The following LDLRAD4 variants were observed in gnomAD, a reference collection of about 807,000 sequenced individuals.
LDLRAD4 encodes low density lipoprotein receptor class A domain containing 4.
Under a neutral mutation model 17.0 loss-of-function variants are expected in LDLRAD4, and 5 were observed. That is an observed-to-expected ratio of 0.29 (90% CI 0.15 to 0.62). LDLRAD4 has a LOEUF of 0.62. Among genes scored for constraint, LDLRAD4 ranks in the 20% least tolerant of loss-of-function variants. LDLRAD4 has a pLI of 0.84. For synonymous variants in LDLRAD4, 168 were observed against 171.8 expected (o/e 0.98, Z 0.17); for missense variants, 340 against 424.7 (o/e 0.80, Z 1.75).
chr18:13,588,846 C>T (rs907495887), intron 3 of LDLRAD4, among the ~76,000 whole-genome samples: 1 of 152,136 alleles, frequency 6.6e-6, no homozygotes, highest in East Asian at 1.9e-4. Context: ...ATGATGCACC[C>T]GTTCAGCTGT....
chr18:13,594,284 C>T (rs144754131), intron 3 of LDLRAD4, among the ~76,000 whole-genome samples: 1 of 152,268 alleles, frequency 6.6e-6, no homozygotes, highest in Non-Finnish European at 1.5e-5. Context: ...TCAGCTGCCA[C>T]TGTCTGCCAC....
chr18:13,534,739 G>GA (rs956189001), intron 3 of LDLRAD4, among the ~76,000 whole-genome samples: 4 of 152,170 alleles, frequency 2.6e-5, no homozygotes, highest in African/African-American at 9.7e-5. Flanking sequence ...AGAGTTCGAT[G>GA]AATTTTGGTA....
chr18:13,479,161 A>G (rs1264841155), intron 3 of LDLRAD4, among the ~76,000 whole-genome samples: 1 of 152,224 alleles, frequency 6.6e-6, no homozygotes, highest in East Asian at 1.9e-4. Context: ...TGAGACATAA[A>G]ACTTAAAACT....
intron 4 of LDLRAD4, among the ~76,000 whole-genome samples, chr18:13,643,124 C>CG (rs2148991185): frequency 6.6e-6 from 1 of 151,908 alleles, no homozygotes; most frequent in East Asian, 1.9e-4. Context: ...TTAGTAGAGA[C>CG]GGGGTTTCAC....
chr18:13,548,452 C>T (rs1453094092), intron 3 of LDLRAD4, among the ~76,000 whole-genome samples: 1 of 152,202 alleles, frequency 6.6e-6, no homozygotes. Flanking sequence ...CTTGTTGGCA[C>T]CCAAAGTCCA....
rs116597921 is a variant in LDLRAD4 at position 13,407,248 on chromosome 18, C to G, written c.40+19486C>G. Among the ~76,000 whole-genome samples the G allele has an allele frequency of 5.1e-3, 782 of 152,256 alleles. 14 individuals carry two copies. The highest frequency in any genetic ancestry group is 0.018 in the African/African-American group (761 of 41,552). Reference sequence around the variant, plus strand: ...CTCATAGAGGCTGCTCTGAATGTGGCTCCAGAGCTTCTCTCATCTCATTTA... The same window carrying G: ...CTCATAGAGGCTGCTCTGAATGTGGGTCCAGAGCTTCTCTCATCTCATTTA... On this transcript the variant is annotated intron_variant, in intron 2 of 5. Coordinates refer to ENST00000359446, the Ensembl canonical transcript of LDLRAD4.
intron 1 of LDLRAD4, among the ~76,000 whole-genome samples, chr18:13,291,602 G>T (rs1490560462): frequency 2.0e-5 from 3 of 152,090 alleles, no homozygotes; most frequent in Non-Finnish European, 4.4e-5. Flanking sequence ...GGCTCTGCAG[G>T]CTGGCCCGTC....
intron 1 of LDLRAD4, among the ~76,000 whole-genome samples, chr18:13,263,886 A>G (rs1367645202): frequency 6.6e-6 from 1 of 152,224 alleles, no homozygotes; most frequent in Admixed American, 6.5e-5. Context: ...CTGGATTCAT[A>G]ATCTTATTTC....
chr18:13,432,608 G>A (rs1332189438), intron 2 of LDLRAD4, among the ~76,000 whole-genome samples: 5 of 152,158 alleles, frequency 3.3e-5, no homozygotes, highest in South Asian at 2.1e-4. Flanking sequence ...GTTGGAATTC[G>A]GTTTAGAGAT....
intron 1 of LDLRAD4, among the ~76,000 whole-genome samples, chr18:13,253,897 G>A (rs2043360197): frequency 6.6e-6 from 1 of 152,208 alleles, no homozygotes; most frequent in Non-Finnish European, 1.5e-5. Context: ...CTGCTCACCT[G>A]CCCTCCAGGC....
intron 3 of LDLRAD4, among the ~76,000 whole-genome samples, chr18:13,503,088 T>C (rs969810451): frequency 6.6e-6 from 1 of 152,230 alleles, no homozygotes; most frequent in Non-Finnish European, 1.5e-5. Context: ...CTGTCTCTTG[T>C]GGTTTATCTA....
Position 13,464,558 on chromosome 18 carries a change from A to T in LDLRAD4, c.181+26174A>T, listed in dbSNP as rs115847951. Among the ~76,000 whole-genome samples, 554 of 152,216 alleles carry T rather than the reference A, an allele frequency of 3.6e-3. 3 individuals carry two copies. Among genetic ancestry groups the T allele is most frequent in the African/African-American group, 0.012 (511 of 41,518 alleles). ...TTAGATCAGGTCTTCCTTTTTCTTT[A>T]CACAAGTGGATAGCAGATGTGACAA... On this transcript the variant is annotated intron_variant, in intron 3 of 5. Coordinates refer to ENST00000359446, the Ensembl canonical transcript of LDLRAD4.
intron 1 of LDLRAD4, among the ~76,000 whole-genome samples, chr18:13,349,744 G>T (rs1038509067): frequency 6.6e-6 from 1 of 152,004 alleles, no homozygotes; most frequent in Non-Finnish European, 1.5e-5. Context: ...TTTAAGCCCC[G>T]CATGCATTAG....
intron 3 of LDLRAD4, chr18:13,486,440 A>G (rs1243323978): frequency 6.6e-6 from 1 of 152,244 alleles, no homozygotes; most frequent in South Asian, 2.1e-4. Flanking sequence ...ACATGTATAG[A>G]TAGTGCATAA....
intron 3 of LDLRAD4, among the ~76,000 whole-genome samples, chr18:13,445,517 C>T (rs1173756952): frequency 6.7e-6 from 1 of 149,422 alleles, no homozygotes; most frequent in Non-Finnish European, 1.5e-5. Flanking sequence ...TGAATGTGCA[C>T]GTGTGTGTAT....
chr18:13,286,950 A>G (rs2045659582), intron 1 of LDLRAD4, among the ~76,000 whole-genome samples: 1 of 152,194 alleles, frequency 6.6e-6, no homozygotes, highest in Admixed American at 6.5e-5. Context: ...TCTTGGGTAA[A>G]GAGAAGGTGG....
chr18:13,522,186 A>G (rs1408519299), intron 3 of LDLRAD4: 1 of 152,120 alleles, frequency 6.6e-6, no homozygotes, highest in Non-Finnish European at 1.5e-5. Context: ...GTGGCTGGCC[A>G]GGCTGACTTC....
intron 3 of LDLRAD4, among the ~76,000 whole-genome samples, chr18:13,459,355 A>G (rs2092313246): frequency 7.5e-6 from 1 of 132,816 alleles, no homozygotes; most frequent in Non-Finnish European, 1.6e-5. Flanking sequence ...AGAAAAATTA[A>G]AAAATAACAT....
intron 3 of LDLRAD4, among the ~76,000 whole-genome samples, chr18:13,475,172 C>A (rs2092906270): frequency 6.6e-6 from 1 of 152,224 alleles, no homozygotes; most frequent in Non-Finnish European, 1.5e-5. Flanking sequence ...TTGGCACTTT[C>A]CTCACTAGAT....
Sources: allele counts gnomAD v4.1 joint callset (sites outside exome capture counted in the v4.1 genomes callset), GRCh38; gene constraint gnomAD v4.1.1; transcripts MANE v1.5; gene names NCBI Gene and HGNC (gene_info 2026-07-23, HGNC 2026-07-21).